PRDM10: variants seen among roughly 807,000 people sequenced by gnomAD.
PRDM10 encodes PR domain zinc finger protein 10.
PRDM10 carries 65 observed loss-of-function variants against 133.1 expected under a neutral mutation model. That is an observed-to-expected ratio of 0.49 (90% CI 0.40 to 0.60). The LOEUF is 0.60. PRDM10 is among the 20% of genes least tolerant of loss of function. PRDM10 has a pLI of 0.00. For synonymous variants in PRDM10, 582 were observed against 580.4 expected, an observed-to-expected ratio of 1.00 and a Z score of -0.04; for missense variants, 1,137 against 1,507.1, an observed-to-expected ratio of 0.75 and a Z score of 4.07.
chr11:129,986,172 A>C (rs1938431828), intron 1 of PRDM10, among the ~76,000 whole-genome samples: 1 of 151,908 alleles, frequency 6.6e-6, no homozygotes. Flanking sequence ...ATGGTTGGAA[A>C]TCACACATAG....
At chr11:129,961,294 G>T (rs749658493) in intron 1 of PRDM10, among the ~76,000 whole-genome samples, 5 of 151,802 alleles carry the variant, frequency 3.3e-5, no homozygotes, top group South Asian at 4.2e-4. Flanking sequence ...GGTTTTTTTG[G>T]GGGGGTGAGG....
chr11:129,951,735 C>G (rs527421135), intron 4 of PRDM10, among the ~76,000 whole-genome samples: 37 of 152,218 alleles, frequency 2.4e-4, no homozygotes, highest in African/African-American at 8.7e-4. Flanking sequence ...ATTATCAGGG[C>G]AGCATATTTT....
At chr11:129,965,899 T>A (rs1302334238) in intron 1 of PRDM10, among the ~76,000 whole-genome samples, 1 of 152,198 alleles carries the variant, frequency 6.6e-6, no homozygotes, top group Non-Finnish European at 1.5e-5. Context: ...ATGTACTTAG[T>A]TGGGGCGTTA....
intron 4 of PRDM10, among the ~76,000 whole-genome samples, chr11:129,954,444 T>C (rs1278835597): frequency 6.6e-6 from 1 of 151,924 alleles, no homozygotes; most frequent in Non-Finnish European, 1.5e-5. Flanking sequence ...TTTGTATTTT[T>C]AGTAGAGACA....
chr11:129,985,795 AAAAAAAAAAAAAAAATATATATATATAT>A (rs1938384862), intron 1 of PRDM10, among the ~76,000 whole-genome samples: 2 of 121,920 alleles, frequency 1.6e-5, no homozygotes, highest in African/African-American at 7.9e-5. Context: ...AAAAAAAAAA[AAAAAAAAAAAAAAAATATATATATATAT>A]ATATATATAT....
chr11:129,910,674 G>C lies in PRDM10; in HGVS notation c.2983-18C>G. ...CCAGATACCTGGGGAGAAAGAGAAA[G>C]CAATGGTAGGGAATTACGAGCTTCT... On this transcript the variant is annotated intron_variant, in intron 18 of 20. Coordinates refer to ENST00000360871, the MANE Select transcript of PRDM10 (RefSeq NM_199437.2). 6.6e-7 allele frequency: 1 copy of C among 1,525,636 alleles called. No individual in the cohort carries two copies. Among genetic ancestry groups the C allele is most frequent in the South Asian group, 1.3e-5 (1 of 78,582 alleles). The allele number at this position is 1,525,636 out of a possible 1,614,324, so 94.5% of individuals were successfully genotyped here.
chr11:129,935,672 C>T (rs1157649507), intron 8 of PRDM10, among the ~76,000 whole-genome samples: 3 of 152,200 alleles, frequency 2.0e-5, no homozygotes, highest in South Asian at 2.1e-4. Flanking sequence ...TGAATATAGG[C>T]ATATCCATGA....
chr11:129,982,661 C>G (rs532223105), intron 1 of PRDM10, among the ~76,000 whole-genome samples: 1 of 152,042 alleles, frequency 6.6e-6, no homozygotes, highest in African/African-American at 2.4e-5. Context: ...AATCAAAAAG[C>G]TATTTTTAGC....
At chr11:129,981,192 G>C (rs1308383698) in intron 1 of PRDM10, among the ~76,000 whole-genome samples, 1 of 152,054 alleles carries the variant, frequency 6.6e-6, no homozygotes, top group Non-Finnish European at 1.5e-5. Context: ...TTTTTCAGGT[G>C]ATGAAAATGT....
intron 11 of PRDM10, among the ~76,000 whole-genome samples, chr11:129,926,726 C>CAT (rs1185317757): frequency 1.3e-5 from 2 of 152,182 alleles, no homozygotes; most frequent in African/African-American, 4.8e-5. Flanking sequence ...TCTTCTTCAG[C>CAT]TGATGGGGCT....
At chr11:129,909,601 G>C (rs143657075) in intron 19 of PRDM10, among the ~76,000 whole-genome samples, 1 of 152,060 alleles carries the variant, frequency 6.6e-6, no homozygotes, top group Non-Finnish European at 1.5e-5. Flanking sequence ...GATCAATACC[G>C]ACCCTTTCCC....
At chr11:129,976,879 T>C (rs1002083181) in intron 1 of PRDM10, among the ~76,000 whole-genome samples, 2 of 142,080 alleles carry the variant, frequency 1.4e-5, no homozygotes, top group African/African-American at 5.7e-5. Context: ...GAAGCCCAAA[T>C]CCTCCATAAC....
At chr11:129,927,256 C>A (rs1254914506) in intron 11 of PRDM10, among the ~76,000 whole-genome samples, 5 of 146,654 alleles carry the variant, frequency 3.4e-5, no homozygotes, top group Non-Finnish European at 7.5e-5. Context: ...CTTGCTTTCA[C>A]TTCTGTGTAG....
intron 4 of PRDM10, among the ~76,000 whole-genome samples, chr11:129,953,618 T>A (rs2135905862): frequency 6.6e-6 from 1 of 152,180 alleles, no homozygotes; most frequent in Non-Finnish European, 1.5e-5. Flanking sequence ...ATATTATAAG[T>A]CCATATTCAT....
Position 129,935,101 on chromosome 11 carries a change from C to G in PRDM10, c.1157G>C (p.Arg386Thr). 6.2e-7 allele frequency: 1 copy of G among 1,610,746 alleles called. No homozygotes were observed. The highest frequency in any genetic ancestry group is 8.5e-7 in the Non-Finnish European group (1 of 1,176,990). ...GTGAGCATTTCTCCCTCATACATACCTGCTAAACACATCTAGTTTCTCATC... is the reference window on the plus strand; with the variant it reads ...GTGAGCATTTCTCCCTCATACATACGTGCTAAACACATCTAGTTTCTCATC... ...SHDEKLDVFS[R>T]TRGRGRGRGK... Residue 386 changes from arginine to threonine, a missense_variant and splice_region_variant, in exon 9 of 21, where the codon AGA becomes ACA. Arg to Thr is a moderately conservative substitution (Grantham distance 71). This residue lies in a region of PRDM10 where 635 missense variants were observed against 835.2 expected (regional missense o/e 0.76). Transcript: ENST00000360871.
chr11:129,972,890 G>T (rs546665551), intron 1 of PRDM10, among the ~76,000 whole-genome samples: 1 of 152,192 alleles, frequency 6.6e-6, no homozygotes, highest in Non-Finnish European at 1.5e-5. Flanking sequence ...AATGAGATTC[G>T]AGAGGGCAGT....
intron 9 of PRDM10, among the ~76,000 whole-genome samples, chr11:129,933,702 T>C (rs1950939619): frequency 6.6e-6 from 1 of 152,104 alleles, no homozygotes; most frequent in Non-Finnish European, 1.5e-5. Flanking sequence ...GGAGCTGGCA[T>C]ATAAACCAAA....
At position 129,918,567 on chromosome 11, in the gene PRDM10, A is replaced by G. The variant is rs1314370618; in HGVS notation, c.2186T>C (p.Met729Thr). Residue 729 changes from methionine to threonine, a missense_variant, in exon 14 of 21, where the codon ATG (methionine) becomes ACG (threonine). By Grantham distance (81) the Met-to-Thr change is moderately conservative (BLOSUM62 -1). Coordinates refer to ENST00000360871, the MANE Select transcript of PRDM10 (RefSeq NM_199437.2). This position sits in a 1 kb window ranked among gnomAD's most constrained non-coding sequence, Gnocchi z 5.3. ...DSFTFKCRLC[M>T]MGFRRRGMLV... ...CATGCCGCGCCGCCGGAAGCCCATC[A>G]TGCACAGGCGGCACTTGAACGTGAA... The G allele has an allele frequency of 1.9e-6, 3 of 1,614,170 alleles. No individual in the cohort carries two copies. Among genetic ancestry groups the G allele is most frequent in the South Asian group, 1.1e-5 (1 of 91,086 alleles).
At chr11:129,929,335 G>T in intron 11 of PRDM10, 1 of 1,433,822 alleles carries the variant, frequency 7.0e-7, no homozygotes, top group Non-Finnish European at 9.5e-7. Flanking sequence ...GATTTAGTAA[G>T]TACAGGTTGC....
Sources: allele counts gnomAD v4.1 joint callset (sites outside exome capture counted in the v4.1 genomes callset), GRCh38; gene constraint gnomAD v4.1.1; regional missense constraint gnomAD v4.1.1; non-coding constraint Gnocchi (gnomAD v3.1); transcripts MANE v1.5; gene names NCBI Gene and HGNC (gene_info 2026-07-23, HGNC 2026-07-21).